CD46: variants seen among roughly 807,000 people sequenced by gnomAD.
CD46 encodes membrane cofactor protein.
A neutral mutation model predicts 53.3 loss-of-function variants in CD46; 30 were observed. That is an observed-to-expected ratio of 0.56 (90% CI 0.42 to 0.76). The LOEUF (loss-of-function observed/expected upper bound fraction) is 0.76, where lower values mean the gene tolerates loss of function less well. Ranked by LOEUF, CD46 falls within the 30% of genes least tolerant of loss-of-function variation. The pLI, the probability that CD46 is intolerant of heterozygous loss-of-function variation, is 0.00. For missense variants in CD46, 409 were observed against 463.0 expected (o/e 0.88, Z 1.07); for synonymous variants, 142 against 152.0 (o/e 0.93, Z 0.48).
intron 6 of CD46, 101 bp from the exon 7 acceptor site, chr1:207,767,678 T>G (rs1657019431): frequency 6.2e-7 from 1 of 1,604,286 alleles, no homozygotes; most frequent in Admixed American, 1.7e-5. Context: ...CTTATATGTC[T>G]TCTTCCTTAT....
At chr1:207,781,243 G>A (rs1658707125) in intron 8 of CD46, among the ~76,000 whole-genome samples, 1 of 150,908 alleles carries the variant, frequency 6.6e-6, no homozygotes, top group African/African-American at 2.4e-5. Context: ...ATCTTCTTTA[G>A]AGAAACATCT....
At chr1:207,756,562 C>T (rs1185558246) in intron 1 of CD46, among the ~76,000 whole-genome samples, 2 of 152,122 alleles carry the variant, frequency 1.3e-5, no homozygotes, top group Non-Finnish European at 2.9e-5. Context: ...GTTCTTGACC[C>T]CCAGGAACTT....
chr1:207,770,170 T>G (rs1657330299), intron 7 of CD46, 151 bp from the exon 8 acceptor site: 1 of 661,522 alleles, frequency 1.5e-6, no homozygotes, highest in Admixed American at 2.4e-5. Flanking sequence ...CAAATATATA[T>G]GTAGGTTAAA....
At chr1:207,760,939 C>T (rs1437625562) in intron 4 of CD46, 2 of 364,444 alleles carry the variant, frequency 5.5e-6, no homozygotes, top group African/African-American at 4.2e-5. Context: ...CAGACCCCTC[C>T]CACCAGGCCC....
At chr1:207,771,252 T>C (rs1031643520) in intron 8 of CD46, among the ~76,000 whole-genome samples, 1 of 152,246 alleles carries the variant, frequency 6.6e-6, no homozygotes, top group African/African-American at 2.4e-5. Flanking sequence ...GTGGTGTTTT[T>C]TTCTTGTAAA....
At chr1:207,775,073 T>A (rs878864091) in intron 8 of CD46, among the ~76,000 whole-genome samples, 1 of 151,388 alleles carries the variant, frequency 6.6e-6, no homozygotes, top group Admixed American at 6.6e-5. Context: ...CTTGGAGGCT[T>A]TGTTTGTTTC....
rs144088436 is a variant in CD46, at chr1:207,752,450, G to T, written c.97+141G>T. The T allele has an allele frequency of 2.3e-3, 1,889 of 815,492 alleles. 29 individuals carry two copies. The African/African-American group carries it at 0.028, about 12-fold the overall frequency. 50.5% of individuals were successfully genotyped at this position (815,492 alleles called of 1,614,324 possible). On this transcript the variant is annotated intron_variant, in intron 1 of 12. Coordinates refer to ENST00000367042, the MANE Select transcript of CD46 (RefSeq NM_172351.3). The surrounding 1 kb of genome is among the most constrained non-coding windows in gnomAD (Gnocchi z 4.1). ...CTGAGGGGTGCAGTGCTCAGATCCC[G>T]GGGGTATGTGGCGGGGAATGCGGGG... is the stretch of plus-strand genomic sequence containing the variant.
At chr1:207,776,480 C>G (rs893458429) in intron 8 of CD46, among the ~76,000 whole-genome samples, 1 of 152,112 alleles carries the variant, frequency 6.6e-6, no homozygotes, top group Admixed American at 6.6e-5. Flanking sequence ...TCCTATTCAG[C>G]CATCTTGGAC....
At chr1:207,778,017 A>G (rs1309898560) in intron 8 of CD46, among the ~76,000 whole-genome samples, 1 of 151,822 alleles carries the variant, frequency 6.6e-6, no homozygotes, top group Non-Finnish European at 1.5e-5. Flanking sequence ...TGCCGTTTTG[A>G]TTTGCATTTC....
At chr1:207,781,823 G>C (rs1055605724) in intron 8 of CD46, among the ~76,000 whole-genome samples, 3 of 151,850 alleles carry the variant, frequency 2.0e-5, no homozygotes. Context: ...GATTATTATA[G>C]TTTTGGAATC....
In CD46 at chr1:207,785,189, A is replaced by G. The variant is rs138263832; in HGVS notation, c.1018+83A>G. 846 of 1,156,800 alleles carry G rather than the reference A, an allele frequency of 7.3e-4. 1 individual carries two copies. In the African/African-American group the frequency reaches 8.6e-3, roughly 12 times the overall value. 71.7% of individuals were successfully genotyped at this position (1,156,800 alleles called of 1,614,324 possible). A position where few individuals can be genotyped will look rare whatever the true frequency, so the allele number is the denominator to read the frequency against. ...TTTTAAAAATAGTTTTTCAGTTTCT[A>G]TAGTTTTTTCAGCTTGTAAATTGGT... On this transcript the variant is annotated intron_variant, in intron 10 of 12. Transcript: ENST00000367042.
intron 8 of CD46, 127 bp downstream of exon 8, chr1:207,770,489 G>T: frequency 2.9e-6 from 2 of 691,922 alleles, no homozygotes; most frequent in Non-Finnish European, 5.2e-6. Context: ...GTGCCATGTT[G>T]GTTTGCTGCA....
At chr1:207,757,457 C>A in intron 2 of CD46, 83 bp from the exon 3 acceptor site, 1 of 903,144 alleles carries the variant, frequency 1.1e-6, no homozygotes, top group Non-Finnish European at 1.8e-6. Context: ...CCCACCCATT[C>A]AAAAGAGCAC....
At chr1:207,782,935 G>A (rs1658915079) in intron 8 of CD46, among the ~76,000 whole-genome samples, 2 of 151,698 alleles carry the variant, frequency 1.3e-5, no homozygotes, top group African/African-American at 2.4e-5. Context: ...TTACAGGCGT[G>A]AGCCACTGTG....
Position 207,752,909 on chromosome 1 carries a change from A to G in CD46, c.97+600A>G, listed in dbSNP as rs1655083976. 6.6e-6 allele frequency among the ~76,000 whole-genome samples: 1 copy of G among 151,468 alleles called. No individual in the cohort carries two copies. Among genetic ancestry groups the G allele is most frequent in the Admixed American group, 6.6e-5 (1 of 15,230 alleles). ...AAGACAGCTCAACTGTTTGCTTTGA[A>G]TGGAGTGAGCGCGGACTCTGGGGCT... is the stretch of plus-strand genomic sequence containing the variant. On this transcript the variant is annotated intron_variant, in intron 1 of 12. Transcript: ENST00000367042. This position sits in a 1 kb window ranked among gnomAD's most constrained non-coding sequence, Gnocchi z 4.1.
chr1:207,783,264 T>C, intron 8 of CD46, 28 bp from the exon 9 acceptor site: 1 of 1,233,838 alleles, frequency 8.1e-7, no homozygotes, highest in Non-Finnish European at 1.2e-6. Context: ...TTTTATTAAT[T>C]TAATCTATAT....
intron 8 of CD46, among the ~76,000 whole-genome samples, chr1:207,777,655 A>G (rs1023031235): frequency 2.6e-5 from 4 of 152,138 alleles, no homozygotes; most frequent in African/African-American, 9.7e-5. Context: ...TCCACGGTGT[A>G]TATGTACCAC....
At chr1:207,765,860 C>T (rs779556884) in intron 5 of CD46, among the ~76,000 whole-genome samples, 1 of 152,192 alleles carries the variant, frequency 6.6e-6, no homozygotes, top group Non-Finnish European at 1.5e-5. Flanking sequence ...AGGATGTTCA[C>T]AGCAGCCTTA....
rs1660149429 is a variant in CD46 at position 207,795,201 on chromosome 1, A to G, written c.*1724A>G. On this transcript the variant is annotated 3_prime_UTR_variant, in exon 13 of 13. Transcript: ENST00000367042. ...AAATACTTTAATGTATAAAATAAAT[A>G]TTATACAATATACTTGTATAGCAGT... The G allele has an allele frequency of 6.6e-6, 1 of 152,222 alleles. No homozygotes were observed. The highest frequency in any genetic ancestry group is 2.4e-5 in the African/African-American group (1 of 41,456). The allele number at this position is 152,222 out of a possible 1,614,324, so 9.4% of individuals were successfully genotyped here. A position where few individuals can be genotyped will look rare whatever the true frequency, so the allele number is the denominator to read the frequency against.
Sources: allele counts gnomAD v4.1 joint callset (sites outside exome capture counted in the v4.1 genomes callset), GRCh38; gene constraint gnomAD v4.1.1; non-coding constraint Gnocchi (gnomAD v3.1); transcripts MANE v1.5; gene names NCBI Gene and HGNC (gene_info 2026-07-23, HGNC 2026-07-21).